CSTF3: variants seen among roughly 807,000 people sequenced by gnomAD.
CSTF3 encodes the protein CF-1 77 kDa subunit.
A neutral mutation model predicts 105.8 loss-of-function variants in CSTF3; 29 were observed. That is an observed-to-expected ratio of 0.27 (90% CI 0.20 to 0.37). CSTF3 has a LOEUF of 0.37. Among genes scored for constraint, CSTF3 ranks in the 10% least tolerant of loss-of-function variants. The pLI, the probability that CSTF3 is intolerant of heterozygous loss-of-function variation, is 1.00. For missense variants in CSTF3, 357 were observed against 879.3 expected (o/e 0.41, Z 7.51); for synonymous variants, 252 against 281.9 (o/e 0.89, Z 1.06).
chr11:33,151,477 T>C (rs145728492), intron 1 of CSTF3, among the ~76,000 whole-genome samples: 2 of 152,314 alleles, frequency 1.3e-5, no homozygotes, highest in African/African-American at 4.8e-5. Flanking sequence ...TGAGCCACCA[T>C]GACTGGCGTT....
At chr11:33,139,080 A>T (rs1222401619) in intron 3 of CSTF3, among the ~76,000 whole-genome samples, 1 of 151,902 alleles carries the variant, frequency 6.6e-6, no homozygotes, top group Non-Finnish European at 1.5e-5. Context: ...AGCATCATTA[A>T]CCTTTTTTAA....
chr11:33,135,037 T>C (rs1434246313), intron 3 of CSTF3, among the ~76,000 whole-genome samples: 1 of 152,212 alleles, frequency 6.6e-6, no homozygotes, highest in Non-Finnish European at 1.5e-5. Flanking sequence ...TTAAGCCACA[T>C]TCTTCAGCTT....
chr11:33,156,335 C>T (rs1849865611), intron 1 of CSTF3, among the ~76,000 whole-genome samples: 1 of 152,182 alleles, frequency 6.6e-6, no homozygotes, highest in Non-Finnish European at 1.5e-5. Context: ...CACATATATG[C>T]ACCTTGACTA....
intron 17 of CSTF3, among the ~76,000 whole-genome samples, chr11:33,088,107 T>C (rs893776950): frequency 6.6e-6 from 1 of 152,162 alleles, no homozygotes; most frequent in African/African-American, 2.4e-5. Context: ...CAAATCTAAA[T>C]GGTAGACACA....
chr11:33,159,305 C>T (rs1352088779), intron 1 of CSTF3, among the ~76,000 whole-genome samples: 1 of 151,696 alleles, frequency 6.6e-6, no homozygotes, highest in East Asian at 1.9e-4. Flanking sequence ...AAAAAAAATA[C>T]AAAAATTAGG....
At chr11:33,142,362 A>G (rs1020521903) in intron 1 of CSTF3, among the ~76,000 whole-genome samples, 11 of 152,232 alleles carry the variant, frequency 7.2e-5, no homozygotes, top group Admixed American at 5.9e-4. Context: ...TTGGGAGGAC[A>G]TATGTAAGCT....
At chr11:33,137,506 C>T (rs919370438) in intron 3 of CSTF3, among the ~76,000 whole-genome samples, 8 of 151,762 alleles carry the variant, frequency 5.3e-5, no homozygotes, top group Non-Finnish European at 8.9e-5. Context: ...AAATAGTTTA[C>T]TACTTATTAT....
At chr11:33,131,487 C>T (rs781088937) in intron 3 of CSTF3, among the ~76,000 whole-genome samples, 67 of 152,222 alleles carry the variant, frequency 4.4e-4, no homozygotes, top group Non-Finnish European at 8.7e-4. Flanking sequence ...TAGGTCAGTT[C>T]GTATAATGGC....
chr11:33,085,809 T>C, intron 19 of CSTF3, 36 bp from the exon 20 acceptor site: 1 of 1,602,064 alleles, frequency 6.2e-7, no homozygotes, highest in African/African-American at 1.3e-5. Flanking sequence ...ATCCCAGTAA[T>C]CTGACAAGTT....
In CSTF3 at chr11:33,084,736, G is replaced by A; in HGVS notation, c.*351C>T. The A allele has an allele frequency of 4.2e-6, 1 of 238,838 alleles. No homozygotes were observed. The highest frequency in any genetic ancestry group is 6.5e-5 in the South Asian group (1 of 15,470). The allele number at this position is 238,838 out of a possible 1,614,324, so 14.8% of individuals were successfully genotyped here. Reference sequence around the variant, plus strand: ...TTGTTTTCAGAAAATGTGATAAAATGCTTTACAATCATAAGCCATCCAGTT... The same window carrying A: ...TTGTTTTCAGAAAATGTGATAAAATACTTTACAATCATAAGCCATCCAGTT... On this transcript the variant is annotated 3_prime_UTR_variant, in exon 21 of 21. Transcript: ENST00000323959.
intron 1 of CSTF3, among the ~76,000 whole-genome samples, chr11:33,160,933 G>C (rs983805533): frequency 7.2e-5 from 11 of 152,102 alleles, no homozygotes; most frequent in African/African-American, 2.7e-4. Flanking sequence ...CGGGGTAAAA[G>C]AAACACTGTC....
intron 15 of CSTF3, among the ~76,000 whole-genome samples, chr11:33,093,538 A>C (rs1178186907): frequency 6.6e-6 from 1 of 152,234 alleles, no homozygotes; most frequent in Admixed American, 6.5e-5. Flanking sequence ...AAAATGGGTA[A>C]AAACAGGTGA....
chr11:33,146,061 A>C (rs1234015359), intron 1 of CSTF3, among the ~76,000 whole-genome samples: 1 of 150,576 alleles, frequency 6.6e-6, no homozygotes, highest in Admixed American at 6.6e-5. Context: ...ATATGGTGAA[A>C]CCCCCGTCTC....
intron 1 of CSTF3, among the ~76,000 whole-genome samples, chr11:33,144,512 A>C (rs988349838): frequency 3.3e-5 from 5 of 152,210 alleles, no homozygotes; most frequent in Non-Finnish European, 5.9e-5. Context: ...CAGAATGGTG[A>C]ATTTTTCAAT....
At chr11:33,121,475 CTTATT>C (rs752629998) in intron 3 of CSTF3, among the ~76,000 whole-genome samples, 12 of 152,082 alleles carry the variant, frequency 7.9e-5, no homozygotes, top group South Asian at 2.1e-4. Flanking sequence ...TCTCTGGAAT[CTTATT>C]TTATAGTTTG....
rs1274316861 is a variant in CSTF3 at position 33,099,692 on chromosome 11, C to A, written c.852G>T (p.Leu284=). The change falls in exon 11 of 21, where the codon CTG becomes CTT. Residue 284 remains leucine (L), a synonymous_variant. Coordinates refer to ENST00000323959, the MANE Select transcript of CSTF3 (RefSeq NM_001326.3). This position sits in a 1 kb window ranked among gnomAD's most constrained non-coding sequence, Gnocchi z 4.1. ...KRVMFAYEQC[L]LVLGHHPDIW... ...TATCAGGGTGATGGCCCAGCACAAG[C>A]AGGCACTGTTCATAAGCAAACATAA... The A allele has an allele frequency of 2.1e-5, 33 of 1,609,358 alleles. No homozygotes were observed. The highest frequency in any genetic ancestry group is 2.8e-5 in the Non-Finnish European group (33 of 1,178,108).
chr11:33,146,703 T>TA (rs1420458754), intron 1 of CSTF3, among the ~76,000 whole-genome samples: 5 of 150,750 alleles, frequency 3.3e-5, no homozygotes, highest in African/African-American at 1.2e-4. Context: ...AAACAACACA[T>TA]ACACTTACTC....
intron 3 of CSTF3, among the ~76,000 whole-genome samples, chr11:33,132,634 C>T (rs765072031): frequency 6.6e-6 from 1 of 151,860 alleles, no homozygotes; most frequent in Non-Finnish European, 1.5e-5. Flanking sequence ...TAAAAAGGAA[C>T]CTTTTTGGCA....
rs770790627 is a variant in CSTF3, at chr11:33,085,298, A to G, written c.1952-9T>C. 6.6e-7 allele frequency: 1 copy of G among 1,522,102 alleles called. No individual in the cohort carries two copies. Among genetic ancestry groups the G allele is most frequent in the Non-Finnish European group, 8.8e-7 (1 of 1,137,586 alleles). The allele number at this position is 1,522,102 out of a possible 1,614,324, so 94.3% of individuals were successfully genotyped here. A position where few individuals can be genotyped will look rare whatever the true frequency, so the allele number is the denominator to read the frequency against. ...CACAGCTTCCTCAACAGCTATTAAA[A>G]CAAAACAACAAAACGTAAAAACATA... On this transcript the variant is annotated splice_polypyrimidine_tract_variant and intron_variant, in intron 20 of 20. Transcript: ENST00000323959.
Sources: gnomAD v4.1 joint callset for allele counts (sites outside exome capture counted in the v4.1 genomes callset) on GRCh38, gnomAD v4.1.1 for gene constraint, Gnocchi (gnomAD v3.1) non-coding constraint, MANE v1.5 for transcripts, NCBI Gene and HGNC (gene_info 2026-07-23, HGNC 2026-07-21) for gene names.